Variants in ZNF274 observed in about 807,000 individuals in gnomAD.
ZNF274 encodes zinc finger protein 274, also known as neurotrophin receptor-interacting factor homolog.
In ZNF274, 23 loss-of-function variants were observed where a neutral mutation model predicts 42.5. The ratio of observed to expected loss-of-function variants is 0.54; its 90% confidence interval spans 0.39 to 0.77. The LOEUF is 0.77. Ranked by LOEUF, ZNF274 falls within the 30% of genes least tolerant of loss-of-function variation. The pLI is 0.00. For missense variants in ZNF274, 679 were observed against 806.5 expected (o/e 0.84, Z 1.91); for synonymous variants, 292 against 305.4 (o/e 0.96, Z 0.46).
intron 4 of ZNF274, among the ~76,000 whole-genome samples, chr19:58,192,077 AT>A (rs1286937630): frequency 2.0e-5 from 3 of 152,222 alleles, no homozygotes; most frequent in Non-Finnish European, 4.4e-5. Flanking sequence ...ATTTTAGCCA[AT>A]TCCTGAAGGA....
Position 58,200,391 on chromosome 19 carries a change from G to A in ZNF274, c.257-6329G>A, listed in dbSNP as rs114263290. 8.3e-4 allele frequency among the ~76,000 whole-genome samples: 126 copies of A among 152,332 alleles called. 3 individuals are homozygous for A. The highest frequency in any genetic ancestry group is 3.0e-3 in the African/African-American group (123 of 41,574). ...CAGCACTGCTCTAGATAGGGTGATA[G>A]ACATGATAAATTAATGAATCAGATA... On this transcript the variant is annotated intron_variant, in intron 4 of 7. Transcript: ENST00000617501.
intron 4 of ZNF274, among the ~76,000 whole-genome samples, chr19:58,195,214 CAT>C (rs902089077): frequency 5.4e-5 from 7 of 130,548 alleles, no homozygotes; most frequent in African/African-American, 1.3e-4. Context: ...AAAAAATACA[CAT>C]ATATGTGTGT....
At chr19:58,209,641 A>C in intron 5 of ZNF274, 1 of 213,244 alleles carries the variant, frequency 4.7e-6, no homozygotes, top group Non-Finnish European at 9.4e-6. Context: ...GGCGTCAGTC[A>C]GCTGCCTCAC....
Position 58,206,809 on chromosome 19 carries a change from C to T in ZNF274, c.346C>T (p.Leu116=), listed in dbSNP as rs778569927. 5 of 1,613,990 alleles carry T rather than the reference C, an allele frequency of 3.1e-6. No homozygotes were observed. In the Middle Eastern group the frequency reaches 6.6e-4, roughly 213 times the overall value. ...MNIEVVEVLT[L]NQEVAGPRNA... is the part of the protein sequence containing the mutation. ...CATTGAGGTTGTTGAGGTCCTCACACTGAACCAGGAGGTGGCTGGTCCCCG... is the reference window on the plus strand; with the variant it reads ...CATTGAGGTTGTTGAGGTCCTCACATTGAACCAGGAGGTGGCTGGTCCCCG... The change falls in exon 5 of 8, where the codon CTG becomes TTG. Residue 116 remains leucine, a synonymous_variant. Transcript: ENST00000617501.
At chr19:58,202,738 G>A (rs1331297704) in intron 4 of ZNF274, among the ~76,000 whole-genome samples, 1 of 152,194 alleles carries the variant, frequency 6.6e-6, no homozygotes, top group Non-Finnish European at 1.5e-5. Flanking sequence ...TCCTGCAATA[G>A]ACAGTGGTAA....
rs746277583 is a variant in ZNF274, at chr19:58,209,681, G to A, written c.740-280G>A. 8 of 268,282 alleles carry A rather than the reference G, an allele frequency of 3.0e-5. 1 individual carries two copies. The highest frequency in any genetic ancestry group is 2.3e-3 in the Middle Eastern group (2 of 870). 16.6% of individuals were successfully genotyped at this position (268,282 alleles called of 1,614,324 possible). ...GGGGCTGGGGCCCTCAGCAGCCCCC[G>A]GAAAGGGAAGGAGTGGGACCAGAGT... On this transcript the variant is annotated intron_variant, in intron 5 of 7. Coordinates refer to ENST00000617501, the MANE Select transcript of ZNF274 (RefSeq NM_133502.3).
rs1356720325 is a variant in ZNF274, at chr19:58,211,529, G to C, written c.853-31G>C. On this transcript the variant is annotated intron_variant, in intron 6 of 7. Transcript: ENST00000617501. The surrounding 1 kb of genome is among the most constrained non-coding windows in gnomAD (Gnocchi z 4.8). Reference sequence around the variant, plus strand: ...TCATTGACAACCCTCTGACCCTCTTGCTGAGCATAGACACATATGTGATGT... The same window carrying C: ...TCATTGACAACCCTCTGACCCTCTTCCTGAGCATAGACACATATGTGATGT... The C allele has an allele frequency of 6.3e-7, 1 of 1,594,328 alleles. No individual in the cohort carries two copies.
intron 4 of ZNF274, among the ~76,000 whole-genome samples, chr19:58,203,425 A>G (rs986397305): frequency 3.9e-5 from 6 of 152,084 alleles, no homozygotes; most frequent in African/African-American, 1.4e-4. Context: ...CTCTACTAAA[A>G]ATACAAAAAT....
In ZNF274 at chr19:58,211,945, G is replaced by A. The variant is rs959275860; in HGVS notation, c.980-216G>A. Reference sequence around the variant, plus strand: ...GAGAGAACAGGAACTCGAAGAGCTCGGAGGACACTCCCTGCCCTTCCTGTC... The same window carrying A: ...GAGAGAACAGGAACTCGAAGAGCTCAGAGGACACTCCCTGCCCTTCCTGTC... On this transcript the variant is annotated intron_variant, in intron 7 of 7. Transcript: ENST00000617501. The surrounding 1 kb of genome is among the most constrained non-coding windows in gnomAD (Gnocchi z 4.8). Among the ~76,000 whole-genome samples the A allele has an allele frequency of 2.6e-5, 4 of 152,096 alleles. No homozygotes were observed. The highest frequency in any genetic ancestry group is 5.9e-5 in the Non-Finnish European group (4 of 68,016).
chr19:58,207,110 A>G lies in ZNF274; in HGVS notation c.647A>G (p.Lys216Arg). The G allele has an allele frequency of 1.9e-6, 3 of 1,613,806 alleles. No individual in the cohort carries two copies. Among genetic ancestry groups the G allele is most frequent in the South Asian group, 1.1e-5 (1 of 90,996 alleles). ...CAGTTCCTAGGTGCACTGCCTGTGAAGCTCCGGACATGGGTGGAATCGCAG... is the reference window on the plus strand; with the variant it reads ...CAGTTCCTAGGTGCACTGCCTGTGAGGCTCCGGACATGGGTGGAATCGCAG... ...LEQFLGALPV[K>R]LRTWVESQHP... The change falls in exon 5 of 8, where the codon AAG becomes AGG. Residue 216 changes from lysine (K) to arginine (R), a missense_variant. By Grantham distance (26) the Lys-to-Arg change is conservative (BLOSUM62 2). Coordinates refer to ENST00000617501, the MANE Select transcript of ZNF274 (RefSeq NM_133502.3). The surrounding 1 kb of genome is among the most constrained non-coding windows in gnomAD (Gnocchi z 5.6).
Position 58,201,009 on chromosome 19 carries a change from TTTG to T in ZNF274, c.257-5708_257-5706del, listed in dbSNP as rs1423803190. On this transcript the variant is annotated intron_variant, in intron 4 of 7. Coordinates refer to ENST00000617501, the MANE Select transcript of ZNF274 (RefSeq NM_133502.3). ...GTGCCGCATACTGTTGTTTGTTTGT[TTTG>T]TTTTTTTTTTTGGAGACACGGTCTC... Among the ~76,000 whole-genome samples the T allele has an allele frequency of 5.3e-3, 793 of 151,030 alleles. 7 individuals carry two copies. Among genetic ancestry groups the T allele is most frequent in the African/African-American group, 0.019 (768 of 41,018 alleles).
At position 58,200,968 on chromosome 19, in the gene ZNF274, CAGAG is replaced by C. The variant is rs138835863; in HGVS notation, c.257-5747_257-5744del. Among the ~76,000 whole-genome samples, 266 of 151,438 alleles carry C rather than the reference CAGAG, an allele frequency of 1.8e-3. 2 individuals carry two copies. The highest frequency in any genetic ancestry group is 6.4e-3 in the African/African-American group (264 of 41,282). ...GGCACATCATGGGAAAAGCAGCAGC[CAGAG>C]AGAGGAAGAAGGTGCCGCATACTGT... On this transcript the variant is annotated intron_variant, in intron 4 of 7. Transcript: ENST00000617501.
At chr19:58,201,853 C>T (rs1469103817) in intron 4 of ZNF274, among the ~76,000 whole-genome samples, 2 of 152,074 alleles carry the variant, frequency 1.3e-5, no homozygotes, top group Non-Finnish European at 2.9e-5. Context: ...CTTCCTGGGA[C>T]TGTGGGCAGC....
intron 4 of ZNF274, among the ~76,000 whole-genome samples, chr19:58,194,726 G>A (rs955492007): frequency 4.0e-5 from 6 of 148,742 alleles, no homozygotes; most frequent in African/African-American, 1.5e-4. Context: ...CTTTTTCTTC[G>A]GCCGGGCGCG....
chr19:58,186,176 TAAA>T (rs33929829), intron 3 of ZNF274: 14 of 134,178 alleles, frequency 1.0e-4, no homozygotes, highest in South Asian at 2.5e-4. Flanking sequence ...GTGTCTCTAT[TAAA>T]AAAAAAAAAA....
At chr19:58,204,971 T>G (rs2075965360) in intron 4 of ZNF274, among the ~76,000 whole-genome samples, 1 of 152,162 alleles carries the variant, frequency 6.6e-6, no homozygotes. Context: ...CCTATTGGCT[T>G]GGCGGGGAGC....
intron 4 of ZNF274, among the ~76,000 whole-genome samples, chr19:58,200,814 G>A (rs2075901230): frequency 6.6e-6 from 1 of 152,074 alleles, no homozygotes; most frequent in South Asian, 2.1e-4. Context: ...CTGAGACTGG[G>A]TTATTTATGA....
chr19:58,205,945 T>C (rs1355399171), intron 4 of ZNF274, among the ~76,000 whole-genome samples: 2 of 152,216 alleles, frequency 1.3e-5, no homozygotes, highest in African/African-American at 2.4e-5. Context: ...AATTCACACA[T>C]TGTAAAGTTC....
intron 4 of ZNF274, among the ~76,000 whole-genome samples, chr19:58,195,233 A>ATG (rs1317916174): frequency 7.1e-6 from 1 of 141,400 alleles, no homozygotes; most frequent in African/African-American, 2.6e-5. Flanking sequence ...GTGTGTATAT[A>ATG]TGTGTGTGTA....
Sources: allele counts gnomAD v4.1 joint callset (sites outside exome capture counted in the v4.1 genomes callset), GRCh38; gene constraint gnomAD v4.1.1; non-coding constraint Gnocchi (gnomAD v3.1); transcripts MANE v1.5; gene names NCBI Gene and HGNC (gene_info 2026-07-23, HGNC 2026-07-21).